TPRG1: variants seen among roughly 807,000 people sequenced by gnomAD.
The protein encoded by TPRG1 is tumor protein p63-regulated gene 1 protein.
Under a neutral mutation model 29.3 loss-of-function variants are expected in TPRG1, and 29 were observed. The ratio of observed to expected loss-of-function variants is 0.99; its 90% CI spans 0.74 to 1.35. TPRG1 has a LOEUF of 1.35. TPRG1 is among the 40% of genes most tolerant of loss of function. The pLI, the probability that TPRG1 is intolerant of heterozygous loss-of-function variation, is 0.00. For synonymous variants in TPRG1, 130 were observed against 116.8 expected, an observed-to-expected ratio of 1.11 and a Z score of -0.73; for missense variants, 327 against 335.0, an observed-to-expected ratio of 0.98 and a Z score of 0.19.
At chr3:189,050,104 GAAAC>G (rs781121266) in intron 4 of TPRG1, among the ~76,000 whole-genome samples, 14 of 152,024 alleles carry the variant, frequency 9.2e-5, no homozygotes, top group African/African-American at 1.7e-4. Context: ...AAATGAAACT[GAAAC>G]AAACAAACAA....
intron 1 of TPRG1, among the ~76,000 whole-genome samples, chr3:189,113,193 A>T (rs1338461663): frequency 6.6e-6 from 1 of 152,178 alleles, no homozygotes; most frequent in Admixed American, 6.5e-5. Context: ...TTATTGGTGT[A>T]TAAGAATCCT....
At chr3:189,032,704 G>T (rs568641756) in intron 4 of TPRG1, among the ~76,000 whole-genome samples, 1 of 149,764 alleles carries the variant, frequency 6.7e-6, no homozygotes, top group Non-Finnish European at 1.5e-5. Flanking sequence ...CCGTTAACTC[G>T]TCATTTAGCA....
At chr3:189,293,365 C>T (rs1719333093) in intron 4 of TPRG1, among the ~76,000 whole-genome samples, 1 of 152,168 alleles carries the variant, frequency 6.6e-6, no homozygotes. Context: ...TTCTTCTTTC[C>T]TCCTGCACTG....
At chr3:189,252,731 A>T (rs1742487787) in intron 4 of TPRG1, among the ~76,000 whole-genome samples, 1 of 152,164 alleles carries the variant, frequency 6.6e-6, no homozygotes, top group Admixed American at 6.6e-5. Flanking sequence ...ACCTTGGGAG[A>T]CCTAACTCAT....
chr3:189,174,402 A>G (rs962150988), intron 1 of TPRG1, among the ~76,000 whole-genome samples: 5 of 152,206 alleles, frequency 3.3e-5, no homozygotes, highest in Non-Finnish European at 7.4e-5. Context: ...GCCGGGCAGC[A>G]ACTTCTTCCT....
intron 4 of TPRG1, among the ~76,000 whole-genome samples, chr3:189,271,444 T>G (rs1001956971): frequency 1.3e-5 from 2 of 152,280 alleles, no homozygotes; most frequent in Middle Eastern, 3.4e-3. Context: ...CACATGCACA[T>G]AAAGGAACTG....
intron 1 of TPRG1, among the ~76,000 whole-genome samples, chr3:189,195,685 A>C: frequency 6.6e-6 from 1 of 152,024 alleles, no homozygotes; most frequent in East Asian, 1.9e-4. Context: ...CTGTGAGCAC[A>C]GCTGGGGATC....
chr3:189,284,144 T>C (rs1180187875), intron 4 of TPRG1, among the ~76,000 whole-genome samples: 1 of 152,180 alleles, frequency 6.6e-6, no homozygotes, highest in Non-Finnish European at 1.5e-5. Flanking sequence ...GAAGGACATT[T>C]TCTGCTTGCA....
intron 4 of TPRG1, among the ~76,000 whole-genome samples, chr3:189,075,018 A>T (rs1717065034): frequency 6.6e-6 from 1 of 151,850 alleles, no homozygotes. Flanking sequence ...TCATCGTGTT[A>T]GGCAGGATGG....
intron 4 of TPRG1, among the ~76,000 whole-genome samples, chr3:189,083,485 A>T (rs1717740619): frequency 6.6e-6 from 1 of 152,158 alleles, no homozygotes; most frequent in Non-Finnish European, 1.5e-5. Context: ...TGGAGCAGGG[A>T]AGGGTTAGGT....
At chr3:189,216,796 G>C (rs562404105) in intron 3 of TPRG1, among the ~76,000 whole-genome samples, 3 of 152,024 alleles carry the variant, frequency 2.0e-5, no homozygotes, top group Admixed American at 6.6e-5. Context: ...TTACCAACAC[G>C]CATTTCATTT....
chr3:189,320,728 A>G lies in TPRG1; in HGVS notation c.736A>G (p.Ile246Val), dbSNP rs1300604425. Residue 246 changes from isoleucine to valine, a missense_variant, in exon 6 of 6, where the codon ATT becomes GTT. Physicochemically the swap from Ile to Val is conservative, Grantham distance 29. Transcript: ENST00000345063. Reference sequence around the variant, plus strand: ...GAAACTGATGGTGTTAACTGAACCCATTTTGATTGAGACCTACACAGGGCT... The same window carrying G: ...GAAACTGATGGTGTTAACTGAACCCGTTTTGATTGAGACCTACACAGGGCT... Reference protein sequence around the residue: ...GKKLMVLTEPILIETYTGLMS... With the variant: ...GKKLMVLTEPVLIETYTGLMS... 1.2e-6 allele frequency: 2 copies of G among 1,603,814 alleles called. No homozygotes were observed. The highest frequency in any genetic ancestry group is 2.3e-5 in the East Asian group (1 of 44,442).
chr3:189,251,003 T>C (rs1742158862), intron 4 of TPRG1, among the ~76,000 whole-genome samples: 1 of 152,118 alleles, frequency 6.6e-6, no homozygotes, highest in Admixed American at 6.5e-5. Flanking sequence ...CCAGTGTTTT[T>C]TTCTTTGGAT....
chr3:189,026,187 C>A (rs1713652322), intron 4 of TPRG1, among the ~76,000 whole-genome samples: 1 of 152,102 alleles, frequency 6.6e-6, no homozygotes, highest in African/African-American at 2.4e-5. Context: ...TCTGATGGGG[C>A]CTCTCTTCCT....
chr3:189,196,009 C>G (rs1429444812), intron 1 of TPRG1, among the ~76,000 whole-genome samples: 1 of 152,128 alleles, frequency 6.6e-6, no homozygotes, highest in African/African-American at 2.4e-5. Context: ...TCTAGCCGGC[C>G]ATCTTGCTGA....
chr3:189,234,744 T>C (rs1265974914), intron 3 of TPRG1, among the ~76,000 whole-genome samples: 2 of 152,176 alleles, frequency 1.3e-5, no homozygotes, highest in Non-Finnish European at 2.9e-5. Flanking sequence ...AATTTGTATT[T>C]TCAGAGTTTA....
chr3:189,118,015 G>T (rs559281072), intron 1 of TPRG1, among the ~76,000 whole-genome samples: 1 of 152,326 alleles, frequency 6.6e-6, no homozygotes, highest in Admixed American at 6.5e-5. Context: ...CTCAGAAGAA[G>T]ACAGGAAGAT....
intron 4 of TPRG1, among the ~76,000 whole-genome samples, chr3:189,298,966 A>G (rs746399009): frequency 1.7e-4 from 26 of 152,108 alleles, no homozygotes; most frequent in Non-Finnish European, 2.2e-4. Context: ...AGTTTGTGTT[A>G]ACTGGTCTAA....
chr3:189,232,724 G>T (rs1470604203), intron 3 of TPRG1, among the ~76,000 whole-genome samples: 3 of 152,152 alleles, frequency 2.0e-5, no homozygotes, highest in Admixed American at 1.3e-4. Flanking sequence ...GGTGACCATT[G>T]GGTTTCTATT....
Sources: gnomAD v4.1 joint callset for allele counts (sites outside exome capture counted in the v4.1 genomes callset) on GRCh38, gnomAD v4.1.1 for gene constraint, MANE v1.5 for transcripts, NCBI Gene and HGNC (gene_info 2026-07-23, HGNC 2026-07-21) for gene names.